NPAS3: variants seen among roughly 807,000 people sequenced by gnomAD.
NPAS3 encodes neuronal PAS domain protein 3, also known as neuronal PAS domain-containing protein 3.
A neutral mutation model predicts 73.1 loss-of-function variants in NPAS3; 14 were observed. The ratio of observed to expected loss-of-function variants is 0.19; its 90% CI spans 0.13 to 0.30. NPAS3 has a LOEUF of 0.30. NPAS3 is among the 10% of genes least tolerant of loss of function. The pLI is 1.00. For missense variants in NPAS3, 1,096 were observed against 1,250.0 expected, an observed-to-expected ratio of 0.88 and a Z score of 1.86; for synonymous variants, 620 against 541.5, an observed-to-expected ratio of 1.14 and a Z score of -2.01.
chr14:33,732,320 C>G (rs1248770244), intron 6 of NPAS3, among the ~76,000 whole-genome samples: 1 of 152,152 alleles, frequency 6.6e-6, no homozygotes, highest in Non-Finnish European at 1.5e-5. Context: ...CCAATAGAAC[C>G]TTCATCAAAA....
intron 4 of NPAS3, among the ~76,000 whole-genome samples, chr14:33,403,954 A>C (rs1334317346): frequency 6.6e-6 from 1 of 152,188 alleles, no homozygotes; most frequent in Non-Finnish European, 1.5e-5. Context: ...ATTAAGCAGT[A>C]AGCACAAATA....
chr14:33,498,904 TTAAA>T (rs1440788821), intron 4 of NPAS3, among the ~76,000 whole-genome samples: 1 of 148,900 alleles, frequency 6.7e-6, no homozygotes, highest in Non-Finnish European at 1.5e-5. Flanking sequence ...ATGGGCAGTT[TTAAA>T]TGAATGAGAG....
chr14:33,722,593 A>G (rs562433255), intron 6 of NPAS3, among the ~76,000 whole-genome samples: 1 of 152,312 alleles, frequency 6.6e-6, no homozygotes, highest in East Asian at 1.9e-4. Context: ...AAAAGATTAG[A>G]TGACTTTGTT....
intron 4 of NPAS3, among the ~76,000 whole-genome samples, chr14:33,548,569 T>C (rs1253727400): frequency 2.0e-5 from 3 of 152,238 alleles, no homozygotes. Flanking sequence ...TGTAATGCTA[T>C]GGCTGTTATA....
chr14:33,174,072 A>G (rs549181339), intron 2 of NPAS3, among the ~76,000 whole-genome samples: 7 of 152,336 alleles, frequency 4.6e-5, no homozygotes, highest in Admixed American at 3.3e-4. Flanking sequence ...ATGATTTACT[A>G]TAGAAATAGT....
At chr14:33,073,686 G>A (rs1020142519) in intron 2 of NPAS3, among the ~76,000 whole-genome samples, 8 of 152,178 alleles carry the variant, frequency 5.3e-5, no homozygotes, top group African/African-American at 1.9e-4. Flanking sequence ...TGACTAGAAA[G>A]GGTTTAGGCA....
intron 3 of NPAS3, among the ~76,000 whole-genome samples, chr14:33,233,430 G>A (rs992193495): frequency 6.6e-6 from 1 of 152,118 alleles, no homozygotes; most frequent in Non-Finnish European, 1.5e-5. Context: ...AGTAGCAAAG[G>A]AGACAGAAGC....
chr14:33,226,404 C>T (rs967341073), intron 3 of NPAS3, among the ~76,000 whole-genome samples: 1 of 152,106 alleles, frequency 6.6e-6, no homozygotes, highest in African/African-American at 2.4e-5. Flanking sequence ...CTGTAACCAT[C>T]ATTAAAAATC....
chr14:33,155,894 T>G (rs1442841474), intron 2 of NPAS3, among the ~76,000 whole-genome samples: 3 of 152,218 alleles, frequency 2.0e-5, no homozygotes, highest in Non-Finnish European at 4.4e-5. Flanking sequence ...TTTACTACTC[T>G]AAAGAGACTA....
chr14:33,237,277 G>A (rs983287278), intron 3 of NPAS3, among the ~76,000 whole-genome samples: 1 of 152,112 alleles, frequency 6.6e-6, no homozygotes, highest in Admixed American at 6.6e-5. Context: ...TAGCTCTCAT[G>A]TTTTCTCCTA....
At chr14:33,455,711 C>T (rs984380916) in intron 4 of NPAS3, among the ~76,000 whole-genome samples, 8 of 152,114 alleles carry the variant, frequency 5.3e-5, no homozygotes, top group Admixed American at 2.0e-4. Context: ...GGTGTTTCAC[C>T]GCATCTGCCT....
chr14:33,577,856 C>T (rs2056502228), intron 5 of NPAS3, among the ~76,000 whole-genome samples: 1 of 152,226 alleles, frequency 6.6e-6, no homozygotes, highest in Non-Finnish European at 1.5e-5. Flanking sequence ...CTTACGACAG[C>T]TTGAAATTCT....
At chr14:33,704,103 A>C (rs1207299563) in intron 6 of NPAS3, among the ~76,000 whole-genome samples, 5 of 152,232 alleles carry the variant, frequency 3.3e-5, no homozygotes, top group African/African-American at 7.2e-5. Flanking sequence ...AACCCGTAGA[A>C]AAGCACAAAG....
At chr14:33,022,336 AGTT>A (rs1438931951) in intron 1 of NPAS3, among the ~76,000 whole-genome samples, 1 of 152,146 alleles carries the variant, frequency 6.6e-6, no homozygotes, top group Non-Finnish European at 1.5e-5. Context: ...TTTCCATTAA[AGTT>A]GTTAGAAATT....
chr14:33,579,928 A>T (rs578163383), intron 5 of NPAS3, among the ~76,000 whole-genome samples: 1 of 152,266 alleles, frequency 6.6e-6, no homozygotes. Flanking sequence ...TACCATATGG[A>T]TCTCCTTATA....
At chr14:33,735,921 C>T (rs985448251) in intron 7 of NPAS3, among the ~76,000 whole-genome samples, 1 of 152,150 alleles carries the variant, frequency 6.6e-6, no homozygotes, top group African/African-American at 2.4e-5. Flanking sequence ...CAGTCAAAAT[C>T]TACATTATCA....
chr14:33,654,397 C>T (rs1357273553), intron 5 of NPAS3, among the ~76,000 whole-genome samples: 1 of 152,102 alleles, frequency 6.6e-6, no homozygotes, highest in African/African-American at 2.4e-5. Context: ...TCTGATTTGC[C>T]AGTGTTAACA....
At chr14:33,064,203 A>G (rs546304573) in intron 2 of NPAS3, among the ~76,000 whole-genome samples, 3 of 152,318 alleles carry the variant, frequency 2.0e-5, no homozygotes, top group East Asian at 1.9e-4. Context: ...TGAAAAATAC[A>G]TATTATCAAA....
chr14:33,668,701 C>T (rs147946536), intron 5 of NPAS3, among the ~76,000 whole-genome samples: 1,736 of 152,224 alleles, frequency 0.011, 45 homozygotes, highest in Admixed American at 0.064. Flanking sequence ...TACCTATAAT[C>T]CCAACTACTC....
Sources: gnomAD v4.1 joint callset for allele counts (sites outside exome capture counted in the v4.1 genomes callset) on GRCh38, gnomAD v4.1.1 for gene constraint, MANE v1.5 for transcripts, NCBI Gene and HGNC (gene_info 2026-07-23, HGNC 2026-07-21) for gene names.